HIPK2: variants seen among roughly 807,000 people sequenced by gnomAD.
HIPK2 encodes the protein homeodomain-interacting protein kinase 2.
HIPK2 carries 27 observed loss-of-function variants against 113.7 expected under a neutral mutation model. That is an observed-to-expected ratio of 0.24 (90% CI 0.17 to 0.33). HIPK2 has a LOEUF of 0.33. Ranked by LOEUF, HIPK2 falls within the 10% of genes least tolerant of loss-of-function variation. The probability of loss-of-function intolerance (pLI) is 1.00; values close to 1 mark genes in which losing one functional copy is unlikely to be tolerated. For synonymous variants in HIPK2, 631 were observed against 642.2 expected (o/e 0.98, Z 0.26); for missense variants, 1,257 against 1,588.0 (o/e 0.79, Z 3.54).
intron 2 of HIPK2, among the ~76,000 whole-genome samples, chr7:139,696,998 T>C (rs1794586251): frequency 6.6e-6 from 1 of 152,214 alleles, no homozygotes; most frequent in African/African-American, 2.4e-5. Flanking sequence ...GGGTAGTCAG[T>C]TGCAGAAATG....
In HIPK2 at chr7:139,614,490, G is replaced by C. The variant is rs778509901; in HGVS notation, c.1786C>G (p.Pro596Ala). 2 of 1,380,280 alleles carry C rather than the reference G, an allele frequency of 1.4e-6. No individual in the cohort carries two copies. The highest frequency in any genetic ancestry group is 1.9e-5 in the South Asian group (1 of 51,550). The allele number at this position is 1,380,280 out of a possible 1,614,324, so 85.5% of individuals were successfully genotyped here. A position where few individuals can be genotyped will look rare whatever the true frequency, so the allele number is the denominator to read the frequency against. ...GAAATAGTGGCACTGGTAGAGGAGG[G>C]AGCCTAAAGGAGTGATGGGGATTAA... Reference protein sequence around the residue: ...NQLTTVHNQAPSSTSATISLA... With the variant: ...NQLTTVHNQAASSTSATISLA... Residue 596 changes from proline to alanine, a missense_variant, in exon 8 of 15, where the codon CCC (proline) becomes GCC (alanine). Transcript: ENST00000406875.
chr7:139,708,751 T>G (rs1346276221), intron 2 of HIPK2, among the ~76,000 whole-genome samples: 2 of 152,228 alleles, frequency 1.3e-5, no homozygotes, highest in Admixed American at 1.3e-4. Context: ...GCGTGTGCCT[T>G]GTGTCTTTCA....
At chr7:139,763,759 T>C (rs1796508947) in intron 1 of HIPK2, among the ~76,000 whole-genome samples, 1 of 152,210 alleles carries the variant, frequency 6.6e-6, no homozygotes, top group African/African-American at 2.4e-5. Context: ...CCAAAGTCAA[T>C]ACTCAGAGCA....
At chr7:139,627,905 A>G (rs1800486316) in intron 5 of HIPK2, among the ~76,000 whole-genome samples, 1 of 152,210 alleles carries the variant, frequency 6.6e-6, no homozygotes, top group Non-Finnish European at 1.5e-5. Flanking sequence ...TCTAAAAGAT[A>G]TATTAAAGTC....
intron 2 of HIPK2, among the ~76,000 whole-genome samples, chr7:139,696,691 G>A (rs1323478482): frequency 6.6e-6 from 1 of 152,104 alleles, no homozygotes; most frequent in Non-Finnish European, 1.5e-5. Context: ...CTAAATGGCA[G>A]CACAAAGAAA....
In HIPK2 at chr7:139,683,292, A is replaced by G. The variant is rs571971984; in HGVS notation, c.1103+32640T>C. Among the ~76,000 whole-genome samples, 5 of 152,328 alleles carry G rather than the reference A, an allele frequency of 3.3e-5. No individual in the cohort carries two copies. In the South Asian group the frequency reaches 1.0e-3, roughly 32 times the overall value. On this transcript the variant is annotated intron_variant, in intron 2 of 14. Transcript: ENST00000406875. This position sits in a 1 kb window ranked among gnomAD's most constrained non-coding sequence, Gnocchi z 4.2. The stretch of plus-strand genomic sequence containing the variant: ...TGTGTAACAAGGTACCGCAAAACTT[A>G]GTGCCTTAAAATAACCATTACTTCA...
chr7:139,749,908 C>T (rs1796253454), intron 1 of HIPK2, among the ~76,000 whole-genome samples: 1 of 152,194 alleles, frequency 6.6e-6, no homozygotes, highest in East Asian at 1.9e-4. Context: ...TCTGCCAGGA[C>T]ACAGTCATTC....
chr7:139,619,003 C>T (rs367758369), intron 7 of HIPK2, among the ~76,000 whole-genome samples: 1 of 152,160 alleles, frequency 6.6e-6, no homozygotes, highest in Non-Finnish European at 1.5e-5. Flanking sequence ...GGTTAGTTTT[C>T]GGACTCCCAA....
Position 139,756,800 on chromosome 7 carries a change from C to T in HIPK2, c.19+20805G>A, listed in dbSNP as rs551158368. ...AGGTACAGGGAGTTCCCATACACAC[C>T]GCCTGCTCTCACGCATGCATCAACT... is the stretch of plus-strand genomic sequence containing the variant. On this transcript the variant is annotated intron_variant, in intron 1 of 14. Transcript: ENST00000406875. Among the ~76,000 whole-genome samples, 9 of 152,310 alleles carry T rather than the reference C, an allele frequency of 5.9e-5. No individual in the cohort carries two copies. In the South Asian group the frequency reaches 1.0e-3, roughly 18 times the overall value.
chr7:139,579,508 C>T (rs1302574448), intron 13 of HIPK2, among the ~76,000 whole-genome samples: 2 of 152,270 alleles, frequency 1.3e-5, no homozygotes, highest in East Asian at 3.9e-4. Flanking sequence ...AATTCTATTA[C>T]AAATCCCAGG....
intron 1 of HIPK2, among the ~76,000 whole-genome samples, chr7:139,744,839 T>C (rs1232560805): frequency 5.9e-5 from 9 of 152,208 alleles, no homozygotes; most frequent in Admixed American, 5.9e-4. Flanking sequence ...GATGATAAGC[T>C]AACCAGCAAC....
Position 139,639,712 on chromosome 7 carries a change from T to C in HIPK2, c.1104-7987A>G, listed in dbSNP as rs1800939633. Among the ~76,000 whole-genome samples, 10 of 152,290 alleles carry C rather than the reference T, an allele frequency of 6.6e-5. No individual in the cohort carries two copies. In the South Asian group the frequency reaches 2.1e-3, roughly 32 times the overall value. ...CCCCAACCCCCATGTCACTGCTGTA[T>C]CTCCAGCGCCTAGCACGCAGCCTGG... is the stretch of plus-strand genomic sequence containing the variant. On this transcript the variant is annotated intron_variant, in intron 2 of 14. Coordinates refer to ENST00000406875, the MANE Select transcript of HIPK2 (RefSeq NM_022740.5).
intron 1 of HIPK2, among the ~76,000 whole-genome samples, chr7:139,740,213 C>G (rs1293088985): frequency 6.6e-6 from 1 of 152,164 alleles, no homozygotes; most frequent in African/African-American, 2.4e-5. Flanking sequence ...CCCTTCTGTC[C>G]TTCGGTAAAA....
intron 2 of HIPK2, among the ~76,000 whole-genome samples, chr7:139,703,013 A>C (rs992948618): frequency 6.6e-6 from 1 of 152,092 alleles, no homozygotes; most frequent in Admixed American, 6.5e-5. Flanking sequence ...TCCAGAAATG[A>C]CTGGTTACCC....
chr7:139,670,063 A>G (rs1276136593), intron 2 of HIPK2, among the ~76,000 whole-genome samples: 3 of 152,206 alleles, frequency 2.0e-5, no homozygotes, highest in African/African-American at 7.2e-5. Context: ...ATTACTCTCA[A>G]ATTGCTTTCG....
chr7:139,661,990 C>T lies in HIPK2; in HGVS notation c.1104-30265G>A, dbSNP rs139912329. 3.9e-4 allele frequency among the ~76,000 whole-genome samples: 60 copies of T among 152,310 alleles called. No individual in the cohort carries two copies. In the East Asian group the frequency reaches 8.7e-3, roughly 22 times the overall value. The stretch of plus-strand genomic sequence containing the variant: ...TTAATTGATTATTAAAATACACTTG[C>T]TAAGACTACATTATTCTCACCAACT... On this transcript the variant is annotated intron_variant, in intron 2 of 14. Transcript: ENST00000406875.
chr7:139,751,821 T>C (rs1347033372), intron 1 of HIPK2, among the ~76,000 whole-genome samples: 1 of 152,146 alleles, frequency 6.6e-6, no homozygotes, highest in Non-Finnish European at 1.5e-5. Context: ...CTCCCAGGGA[T>C]CATGTTAATC....
At position 139,630,815 on chromosome 7, in the gene HIPK2, AC is replaced by A. The variant is rs1440020497; in HGVS notation, c.1347+349del. Among the ~76,000 whole-genome samples the A allele has an allele frequency of 6.6e-6, 1 of 152,148 alleles. No homozygotes were observed. Among genetic ancestry groups the A allele is most frequent in the East Asian group, 1.9e-4 (1 of 5,192 alleles). ...CTTGACCAGGAACAGGGCCCTTACT[AC>A]AGTGGGCGGGAGCTTGTGGCACATG... On this transcript the variant is annotated intron_variant, in intron 4 of 14. Coordinates refer to ENST00000406875, the MANE Select transcript of HIPK2 (RefSeq NM_022740.5). The surrounding 1 kb of genome is among the most constrained non-coding windows in gnomAD (Gnocchi z 4.0).
intron 2 of HIPK2, among the ~76,000 whole-genome samples, chr7:139,656,121 C>T (rs1166542107): frequency 6.6e-6 from 1 of 151,816 alleles, no homozygotes; most frequent in African/African-American, 2.4e-5. Flanking sequence ...CTCCCACTCC[C>T]TCACTCTGTA....
Sources: allele counts gnomAD v4.1 joint callset (sites outside exome capture counted in the v4.1 genomes callset), GRCh38; gene constraint gnomAD v4.1.1; non-coding constraint Gnocchi (gnomAD v3.1); transcripts MANE v1.5; gene names NCBI Gene and HGNC (gene_info 2026-07-23, HGNC 2026-07-21).